Variants in ATP7B observed in about 807,000 individuals in gnomAD.
ATP7B encodes copper-transporting ATPase 2.
A neutral mutation model predicts 118.9 loss-of-function variants in ATP7B; 113 were observed. The observed-to-expected ratio is 0.95, with a 90% CI of 0.82 to 1.11. The LOEUF (loss-of-function observed/expected upper bound fraction) is 1.11, where lower values mean the gene tolerates loss of function less well. Ranked by LOEUF, ATP7B falls within the 50% of genes most tolerant of loss-of-function variation. The probability of loss-of-function intolerance (pLI) is 0.00; values close to 1 mark genes in which losing one functional copy is unlikely to be tolerated. For missense variants in ATP7B, 1,867 were observed against 1,871.4 expected (o/e 1.00, Z 0.04); for synonymous variants, 777 against 727.4 (o/e 1.07, Z -1.10).
intron 15 of ATP7B, among the ~76,000 whole-genome samples, chr13:51,942,175 C>G (rs1319562821): frequency 1.3e-5 from 2 of 152,194 alleles, no homozygotes; most frequent in African/African-American, 4.8e-5. Context: ...CTAAACAATG[C>G]TCTATGAATT....
chr13:51,975,549 G>A (rs778412292), intron 1 of ATP7B: 1 of 521,572 alleles, frequency 1.9e-6, no homozygotes, highest in Non-Finnish European at 3.8e-6. Context: ...CCCAAAAGAG[G>A]TCCCCACCTC....
chr13:51,959,956 G>C (rs1043141996), intron 7 of ATP7B, 192 bp downstream of exon 7: 4 of 681,006 alleles, frequency 5.9e-6, no homozygotes, highest in Admixed American at 2.6e-5. Context: ...CCCCACACTG[G>C]GGGGGCCCCA....
At chr13:51,945,285 C>A (rs150280678) in intron 13 of ATP7B, among the ~76,000 whole-genome samples, 21 of 152,342 alleles carry the variant, frequency 1.4e-4, no homozygotes, top group Non-Finnish European at 2.2e-4. Flanking sequence ...CCTCCCTCAA[C>A]GGCCTCATCT....
rs768303287 is a variant in ATP7B at position 52,011,282 on chromosome 13, C to T, written c.51+5G>A. On this transcript the variant is annotated splice_donor_5th_base_variant and intron_variant, in intron 1 of 20. Coordinates refer to ENST00000242839, the MANE Select transcript of ATP7B (RefSeq NM_000053.4). ...GCTGCGCGGACGCGGGGGAACAAAA[C>T]TCACTTTCCGACTGGCCCCTTCTCT... 3 of 1,614,108 alleles carry T rather than the reference C, an allele frequency of 1.9e-6. No homozygotes were observed. The African/African-American group carries it at 4.0e-5, about 22-fold the overall frequency.
At chr13:51,946,559 A>G (rs1222713125) in intron 12 of ATP7B, 81 bp from the exon 13 acceptor site, 15 of 1,516,324 alleles carry the variant, frequency 9.9e-6, no homozygotes, top group Non-Finnish European at 1.4e-5. Context: ...AGGACATTTC[A>G]GGGGGGCACT....
chr13:51,982,891 C>T (rs1426326000), intron 1 of ATP7B, among the ~76,000 whole-genome samples: 1 of 152,240 alleles, frequency 6.6e-6, no homozygotes. Flanking sequence ...CCAGGCACTA[C>T]ACTTTTCCCA....
intron 3 of ATP7B, 23 bp downstream of exon 3, chr13:51,970,469 C>G: frequency 6.2e-7 from 1 of 1,614,100 alleles, no homozygotes; most frequent in African/African-American, 1.3e-5. Flanking sequence ...TTCCTAAGTT[C>G]AACATGGGCG....
rs1050329547 is a variant in ATP7B, at chr13:51,958,601, G to A, written c.2122-57C>T. On this transcript the variant is annotated intron_variant, in intron 7 of 20. Transcript: ENST00000242839. ...AAGTAGGGAGGAGAGTTCAATGAGCGACACAGGGCCAAGGGCCCTGGGGAT... is the reference window on the plus strand; with the variant it reads ...AAGTAGGGAGGAGAGTTCAATGAGCAACACAGGGCCAAGGGCCCTGGGGAT... 8 of 1,492,248 alleles carry A rather than the reference G, an allele frequency of 5.4e-6. No homozygotes were observed. The African/African-American group carries it at 6.9e-5, about 13-fold the overall frequency. 92.4% of individuals were successfully genotyped at this position (1,492,248 alleles called of 1,614,324 possible). A position where few individuals can be genotyped will look rare whatever the true frequency, so the allele number is the denominator to read the frequency against.
Position 51,937,348 on chromosome 13 carries a change from TC to T in ATP7B, c.3948del (p.Thr1317LeufsTer13), listed in dbSNP as rs1057516228. On this transcript the variant is annotated frameshift_variant, in exon 19 of 21. Coordinates refer to ENST00000242839, the MANE Select transcript of ATP7B (RefSeq NM_000053.4). LOFTEE classifies it high-confidence loss of function. ...DVVASIHLSK[R>X]TVRRIRINLV... The stretch of plus-strand genomic sequence containing the variant: ...AGGTTGATGCGTATCCTTCGGACAG[TC>T]CTCTTGGAAAGGTGAATGCTAGCCA... 1 of 1,614,154 alleles carries T rather than the reference TC, an allele frequency of 6.2e-7. No individual in the cohort carries two copies. Among genetic ancestry groups the T allele is most frequent in the Non-Finnish European group, 8.5e-7 (1 of 1,180,030 alleles).
At chr13:51,994,971 A>C (rs1011849746) in intron 1 of ATP7B, among the ~76,000 whole-genome samples, 2 of 152,240 alleles carry the variant, frequency 1.3e-5, no homozygotes, top group African/African-American at 4.8e-5. Context: ...GCATTTTCAA[A>C]ATGTTTAGTT....
chr13:51,943,592 T>C (rs759795899), intron 14 of ATP7B, among the ~76,000 whole-genome samples: 2 of 152,138 alleles, frequency 1.3e-5, no homozygotes, highest in Non-Finnish European at 2.9e-5. Context: ...GAAAACAAAA[T>C]AGAACCTTTC....
In ATP7B at chr13:51,957,530, G is replaced by A. The variant is rs1958432499; in HGVS notation, c.2433C>T (p.Asp811=). Reference sequence around the variant, plus strand: ...CCATAACTCACCTGATGATTAAATTGTCCTCACCAAGGGTCACAACGGTGG... The same window carrying A: ...CCATAACTCACCTGATGATTAAATTATCCTCACCAAGGGTCACAACGGTGG... ...TEATVVTLGE[D]NLIIREEQVP... is the part of the protein sequence containing the mutation. Residue 811 remains aspartate, a synonymous_variant, in exon 9 of 21, where the codon GAC becomes GAT. Transcript: ENST00000242839. The A allele has an allele frequency of 6.2e-7, 1 of 1,613,890 alleles. No individual in the cohort carries two copies. The highest frequency in any genetic ancestry group is 8.5e-7 in the Non-Finnish European group (1 of 1,179,776).
chr13:51,960,030 C>T, intron 7 of ATP7B, 118 bp downstream of exon 7: 2 of 1,360,494 alleles, frequency 1.5e-6, no homozygotes, highest in Non-Finnish European at 2.1e-6. Context: ...GGCAGGAAAG[C>T]TGCAATAAAG....
intron 1 of ATP7B, among the ~76,000 whole-genome samples, chr13:51,991,801 C>T (rs890904348): frequency 2.2e-4 from 34 of 152,144 alleles, no homozygotes; most frequent in Non-Finnish European, 3.8e-4. Context: ...GCACGGAGCC[C>T]CTGACTTCTA....
chr13:51,976,590 G>T (rs567768485), intron 1 of ATP7B, among the ~76,000 whole-genome samples: 48 of 152,290 alleles, frequency 3.2e-4, no homozygotes, highest in Admixed American at 9.8e-4. Context: ...TCATCATTGT[G>T]ACTTCATCGT....
chr13:52,009,377 T>G (rs1953919185), intron 1 of ATP7B, among the ~76,000 whole-genome samples: 1 of 152,132 alleles, frequency 6.6e-6, no homozygotes, highest in African/African-American at 2.4e-5. Context: ...TCTGAAACAT[T>G]TCTTCTCCCT....
At chr13:51,980,857 G>A (rs1952377752) in intron 1 of ATP7B, among the ~76,000 whole-genome samples, 1 of 146,136 alleles carries the variant, frequency 6.8e-6, no homozygotes, top group African/African-American at 2.4e-5. Flanking sequence ...AGGCAAACAT[G>A]TTATACATGA....
At chr13:52,009,201 G>C (rs1468659576) in intron 1 of ATP7B, among the ~76,000 whole-genome samples, 1 of 152,162 alleles carries the variant, frequency 6.6e-6, no homozygotes, top group East Asian at 1.9e-4. Flanking sequence ...CAGACTTATT[G>C]GAAATATTTT....
Position 51,933,574 on chromosome 13 carries a change from G to A in ATP7B, c.*1182C>T, listed in dbSNP as rs79490882. The A allele has an allele frequency of 0.033, 5,060 of 152,318 alleles. 242 individuals are homozygous for A. The highest frequency in any genetic ancestry group is 0.11 in the African/African-American group (4,692 of 41,536). 9.4% of individuals were successfully genotyped at this position (152,318 alleles called of 1,614,324 possible). ...CCGTTCTGCTGCTCTGAGAGCCACT[G>A]CCAGGTAAACAGATGCTCCCTTCGG... On this transcript the variant is annotated 3_prime_UTR_variant, in exon 21 of 21. Coordinates refer to ENST00000242839, the MANE Select transcript of ATP7B (RefSeq NM_000053.4).
Sources: allele counts gnomAD v4.1 joint callset (sites outside exome capture counted in the v4.1 genomes callset), GRCh38; gene constraint gnomAD v4.1.1; transcripts MANE v1.5; gene names NCBI Gene and HGNC (gene_info 2026-07-23, HGNC 2026-07-21).